Variants in SGCZ observed in about 807,000 individuals in gnomAD.
SGCZ encodes zeta-sarcoglycan.
Under a neutral mutation model 41.3 loss-of-function variants are expected in SGCZ, and 40 were observed. The ratio of observed to expected loss-of-function variants is 0.97; its 90% CI spans 0.75 to 1.26. The LOEUF (loss-of-function observed/expected upper bound fraction) is 1.26. Ranked by LOEUF, SGCZ falls within the 50% of genes most tolerant of loss-of-function variation. The probability of loss-of-function intolerance (pLI) is 0.00; values close to 1 mark genes in which losing one functional copy is unlikely to be tolerated. For synonymous variants in SGCZ, 206 were observed against 137.5 expected (o/e 1.50, Z -3.49); for missense variants, 552 against 369.8 (o/e 1.49, Z -4.04).
At chr8:15,050,323 G>A (rs1334688586) in intron 1 of SGCZ, among the ~76,000 whole-genome samples, 2 of 152,086 alleles carry the variant, frequency 1.3e-5, no homozygotes, top group Non-Finnish European at 2.9e-5. Context: ...TAGTTCAGAG[G>A]AGAGGTTTAT....
chr8:14,635,429 T>C (rs1039419318), intron 1 of SGCZ, among the ~76,000 whole-genome samples: 1 of 151,974 alleles, frequency 6.6e-6, no homozygotes, highest in Non-Finnish European at 1.5e-5. Context: ...TTATTTAATA[T>C]ATTTGTGTAT....
At chr8:14,158,136 G>T (rs369422052) in intron 5 of SGCZ, among the ~76,000 whole-genome samples, 1 of 151,732 alleles carries the variant, frequency 6.6e-6, no homozygotes, top group Non-Finnish European at 1.5e-5. Flanking sequence ...TATGTGGTAA[G>T]TGCTTCTTAT....
At chr8:15,224,391 T>G (rs886909693) in intron 1 of SGCZ, among the ~76,000 whole-genome samples, 5 of 152,072 alleles carry the variant, frequency 3.3e-5, no homozygotes, top group African/African-American at 1.2e-4. Context: ...TTTAATATCC[T>G]AAGAGAAAAT....
intron 1 of SGCZ, among the ~76,000 whole-genome samples, chr8:14,567,515 G>T (rs117706177): frequency 6.6e-6 from 1 of 152,108 alleles, no homozygotes; most frequent in Admixed American, 6.5e-5. Context: ...TCAGCACCTT[G>T]TCAAAACAAA....
chr8:14,447,246 G>A (rs910000324), intron 2 of SGCZ, among the ~76,000 whole-genome samples: 3 of 152,136 alleles, frequency 2.0e-5, no homozygotes, highest in Non-Finnish European at 2.9e-5. Flanking sequence ...AAGTAAAGAA[G>A]TCATCAGTCA....
intron 1 of SGCZ, among the ~76,000 whole-genome samples, chr8:15,212,855 A>C (rs185768090): frequency 2.0e-5 from 3 of 152,116 alleles, no homozygotes. Context: ...CAACATCATT[A>C]CTTTAAAAAG....
At chr8:14,851,780 C>G in intron 1 of SGCZ, among the ~76,000 whole-genome samples, 1 of 151,794 alleles carries the variant, frequency 6.6e-6, no homozygotes, top group East Asian at 1.9e-4. Context: ...GACTTCAGAG[C>G]GAATACTTTC....
chr8:14,292,370 A>C (rs11203595), intron 3 of SGCZ, among the ~76,000 whole-genome samples: 145,044 of 151,958 alleles, frequency 0.95, 69,517 homozygotes, highest in East Asian at 1. Context: ...AGCTCCTGAG[A>C]CAATTACCAT....
At chr8:14,998,897 G>GATCA (rs1802312860) in intron 1 of SGCZ, among the ~76,000 whole-genome samples, 1 of 152,130 alleles carries the variant, frequency 6.6e-6, no homozygotes, top group Admixed American at 6.6e-5. Context: ...AGCCAAAGAG[G>GATCA]ATCACTATAG....
intron 2 of SGCZ, among the ~76,000 whole-genome samples, chr8:14,343,742 C>T (rs1199580911): frequency 2.0e-5 from 3 of 151,982 alleles, no homozygotes; most frequent in Admixed American, 1.3e-4. Flanking sequence ...CATGTCATCG[C>T]CAACCTTAAT....
rs544824223 is a variant in SGCZ at position 14,607,932 on chromosome 8, G to C, written c.40-53006C>G. 2.2e-4 allele frequency among the ~76,000 whole-genome samples: 33 copies of C among 152,294 alleles called. 1 individual carries two copies. In the South Asian group the frequency reaches 4.1e-3, roughly 19 times the overall value. On this transcript the variant is annotated intron_variant, in intron 1 of 7. Transcript: ENST00000382080. Reference sequence around the variant, plus strand: ...AGTAAAAATATGTTCAGGCCACTTGGAGTAATTGTTACTGCTGTAAAAGAC... The same window carrying C: ...AGTAAAAATATGTTCAGGCCACTTGCAGTAATTGTTACTGCTGTAAAAGAC...
At chr8:14,591,594 G>C (rs560390605) in intron 1 of SGCZ, among the ~76,000 whole-genome samples, 1 of 152,050 alleles carries the variant, frequency 6.6e-6, no homozygotes, top group African/African-American at 2.4e-5. Context: ...AGAATCATAA[G>C]ATGTTTGCAC....
At chr8:14,100,139 G>T (rs1451463447) in intron 7 of SGCZ, among the ~76,000 whole-genome samples, 2 of 151,796 alleles carry the variant, frequency 1.3e-5, no homozygotes, top group African/African-American at 4.8e-5. Context: ...AATACATGCT[G>T]TTTTAAGTGC....
chr8:14,180,183 T>TGTCA (rs1804675680), intron 4 of SGCZ, among the ~76,000 whole-genome samples: 1 of 152,112 alleles, frequency 6.6e-6, no homozygotes, highest in Admixed American at 6.5e-5. Context: ...AAAAACAGTC[T>TGTCA]GTCACAATAA....
chr8:14,885,674 G>T lies in SGCZ; in HGVS notation c.40-330748C>A, dbSNP rs1585348963. On this transcript the variant is annotated intron_variant, in intron 1 of 7. Transcript: ENST00000382080. The stretch of plus-strand genomic sequence containing the variant: ...TATTCCCCACAGTGCCTGGCACACA[G>T]AAAAGGCCCAGTAATTGTAGGACTC... Among the ~76,000 whole-genome samples the T allele has an allele frequency of 4.6e-5, 7 of 152,092 alleles. 1 individual carries two copies. The South Asian group carries it at 1.5e-3, about 32-fold the overall frequency.
intron 1 of SGCZ, among the ~76,000 whole-genome samples, chr8:14,648,681 A>G (rs1807302561): frequency 6.6e-6 from 1 of 152,050 alleles, no homozygotes; most frequent in Admixed American, 6.6e-5. Context: ...TCCATAAGTG[A>G]AGAAAATTAT....
intron 2 of SGCZ, among the ~76,000 whole-genome samples, chr8:14,436,943 C>A (rs546412960): frequency 7.3e-5 from 11 of 151,694 alleles, no homozygotes; most frequent in African/African-American, 2.4e-4. Flanking sequence ...CAAAAACTGG[C>A]AGTATTTGTT....
At chr8:15,052,000 G>C (rs1007671070) in intron 1 of SGCZ, among the ~76,000 whole-genome samples, 1 of 152,104 alleles carries the variant, frequency 6.6e-6, no homozygotes, top group Non-Finnish European at 1.5e-5. Context: ...TGAGAATGTT[G>C]AAGTCACAAC....
intron 1 of SGCZ, among the ~76,000 whole-genome samples, chr8:14,640,838 T>C (rs917264004): frequency 1.3e-5 from 2 of 151,668 alleles, no homozygotes; most frequent in Non-Finnish European, 3.0e-5. Flanking sequence ...CCCCTGCAAG[T>C]TCTGAATACT....
Sources: gnomAD v4.1 joint callset for allele counts (sites outside exome capture counted in the v4.1 genomes callset) on GRCh38, gnomAD v4.1.1 for gene constraint, MANE v1.5 for transcripts, NCBI Gene and HGNC (gene_info 2026-07-23, HGNC 2026-07-21) for gene names.